CELA3B: variants seen among roughly 807,000 people sequenced by gnomAD.
CELA3B encodes the protein chymotrypsin like elastase 3B.
A neutral mutation model predicts 37.2 loss-of-function variants in CELA3B; 34 were observed. The ratio of observed to expected loss-of-function variants is 0.91; its 90% CI spans 0.70 to 1.22. The LOEUF (loss-of-function observed/expected upper bound fraction) is 1.22, where lower values mean the gene tolerates loss of function less well. Among genes scored for constraint, CELA3B ranks in the 50% most tolerant of loss-of-function variants. The pLI is 0.00. For synonymous variants in CELA3B, 127 were observed against 143.5 expected (o/e 0.89, Z 0.82); for missense variants, 340 against 363.1 (o/e 0.94, Z 0.52).
chr1:21,979,553 A>G (rs1454667002), intron 2 of CELA3B, among the ~76,000 whole-genome samples: 1 of 148,852 alleles, frequency 6.7e-6, no homozygotes, highest in African/African-American at 2.5e-5. Context: ...CCTAGGTCCA[A>G]GCAATCATCC....
chr1:21,992,918 T>C (rs1220143750), downstream of CELA3B, among the ~76,000 whole-genome samples: 3 of 149,130 alleles, frequency 2.0e-5, no homozygotes, highest in Non-Finnish European at 4.5e-5. Context: ...TGAGCTGTGA[T>C]TGCACCACTG....
Position 21,981,671 on chromosome 1 carries a change from C to T in CELA3B, c.362+499C>T, listed in dbSNP as rs114105151. On this transcript the variant is annotated intron_variant, in intron 4 of 7. Transcript: ENST00000337107. ...AAGGTGACCATGAAGTTGGGCCTCC[C>T]GGGTGGTTGTGAAGGCCAAGGAGAC... 8.0e-3 allele frequency among the ~76,000 whole-genome samples: 1,216 copies of T among 151,996 alleles called. 16 individuals carry two copies. The highest frequency in any genetic ancestry group is 0.027 in the African/African-American group (1,139 of 41,462).
At chr1:21,983,314 C>T (rs1364171981) in intron 4 of CELA3B, among the ~76,000 whole-genome samples, 1 of 151,936 alleles carries the variant, frequency 6.6e-6, no homozygotes, top group Non-Finnish European at 1.5e-5. Context: ...GAGATCATGC[C>T]ACTGCACTCC....
chr1:21,996,762 C>T (rs1301440003), intron 4 of CELA3B, among the ~76,000 whole-genome samples: 1 of 150,862 alleles, frequency 6.6e-6, no homozygotes, highest in African/African-American at 2.5e-5. Context: ...TGCTCAATAA[C>T]CTCCTTGGAT....
chr1:21,985,272 G>C (rs1213137977), intron 6 of CELA3B, among the ~76,000 whole-genome samples: 2 of 112,360 alleles, frequency 1.8e-5, no homozygotes, highest in African/African-American at 3.3e-5. Flanking sequence ...GACAGAGCAA[G>C]ATGTTGTCTT....
chr1:21,991,773 T>C (rs1258951157), downstream of CELA3B, among the ~76,000 whole-genome samples: 8 of 150,900 alleles, frequency 5.3e-5, 1 homozygote, highest in Admixed American at 1.3e-4. Context: ...GGGATTGAAG[T>C]GGAAGCTTGA....
Position 21,996,783 on chromosome 1 carries a change from A to G in CELA3B, c.505-1368A>G, listed in dbSNP as rs578177364. ...ATAACCTCCTTGGATCCCAGCCGGG[A>G]TGATGCCTTCCCTGGGACAAGAGAT... On this transcript the variant is annotated intron_variant, in intron 4 of 4. Transcript: ENST00000400277. 1.4e-3 allele frequency among the ~76,000 whole-genome samples: 212 copies of G among 150,720 alleles called. 3 individuals carry two copies. Among genetic ancestry groups the G allele is most frequent in the Middle Eastern group, 3.4e-3 (1 of 294 alleles).
Position 21,980,926 on chromosome 1 carries a change from G to T in CELA3B, c.227+5G>T. On this transcript the variant is annotated splice_donor_5th_base_variant and intron_variant, in intron 3 of 7. Transcript: ENST00000337107. ...GACTGCCGGCCACTGCATCTCGTGAGTTCTCTACCCTGTCCCTGCCTGTGG... is the reference window on the plus strand; with the variant it reads ...GACTGCCGGCCACTGCATCTCGTGATTTCTCTACCCTGTCCCTGCCTGTGG... The T allele has an allele frequency of 6.2e-7, 1 of 1,613,902 alleles. No individual in the cohort carries two copies. Among genetic ancestry groups the T allele is most frequent in the East Asian group, 2.2e-5 (1 of 44,856 alleles).
At chr1:21,984,466 A>C (rs1204412225) in intron 6 of CELA3B, 135 bp downstream of exon 6, 1 of 1,239,708 alleles carries the variant, frequency 8.1e-7, no homozygotes, top group Non-Finnish European at 1.1e-6. Context: ...GACTTGGAGG[A>C]AATCAGCGCA....
chr1:21,997,605 C>G (rs532999037), intron 4 of CELA3B, among the ~76,000 whole-genome samples: 3 of 150,628 alleles, frequency 2.0e-5, no homozygotes, highest in Admixed American at 2.0e-4. Flanking sequence ...AGAAGAATCA[C>G]TTGAACCCGG....
chr1:21,994,308 T>G (rs12404110), downstream of CELA3B, among the ~76,000 whole-genome samples: 33,744 of 150,534 alleles, frequency 0.22, 5,336 homozygotes, highest in East Asian at 0.39. Flanking sequence ...CTTCCTCCAC[T>G]GCTCCCACCA....
chr1:21,977,563 T>G (rs1209660454), intron 1 of CELA3B, among the ~76,000 whole-genome samples: 1 of 152,170 alleles, frequency 6.6e-6, no homozygotes, highest in Non-Finnish European at 1.5e-5. Flanking sequence ...ATTGAGTGCT[T>G]ACTATGCCAG....
chr1:21,988,239 AAAAC>A (rs1644850702), intron 7 of CELA3B, among the ~76,000 whole-genome samples: 3 of 149,628 alleles, frequency 2.0e-5, no homozygotes, highest in African/African-American at 7.4e-5. Context: ...AACAAACAAA[AAAAC>A]AGTGATGATT....
intron 4 of CELA3B, 103 bp downstream of exon 4, chr1:21,981,275 G>T: frequency 8.3e-6 from 1 of 120,814 alleles, no homozygotes; most frequent in Non-Finnish European, 2.1e-5. Context: ...GGGACGTAGG[G>T]ACGGGGGAGC....
chr1:21,993,461 C>CAA (rs58752734), downstream of CELA3B, among the ~76,000 whole-genome samples: 3 of 81,648 alleles, frequency 3.7e-5, no homozygotes, highest in Non-Finnish European at 5.1e-5. Context: ...ACCTCCTCTC[C>CAA]AAAAAAAAAA....
intron 2 of CELA3B, among the ~76,000 whole-genome samples, chr1:21,978,670 G>A (rs1381043879): frequency 6.6e-6 from 1 of 152,158 alleles, no homozygotes; most frequent in African/African-American, 2.4e-5. Flanking sequence ...AGTGGAATCG[G>A]GGGTGAAGGA....
At position 21,983,973 on chromosome 1, in the gene CELA3B, C is replaced by G. The variant is rs117748111; in HGVS notation, c.499+143C>G. ...AGCTGCAGCCTTCTCCCACCAACCTCCAAAACACGAATGTGGTCAATTGCA... is the reference window on the plus strand; with the variant it reads ...AGCTGCAGCCTTCTCCCACCAACCTGCAAAACACGAATGTGGTCAATTGCA... On this transcript the variant is annotated intron_variant, in intron 5 of 7. Coordinates refer to ENST00000337107, the MANE Select transcript of CELA3B (RefSeq NM_007352.4). 5.9e-4 allele frequency: 841 copies of G among 1,436,792 alleles called. 13 individuals carry two copies. The East Asian group carries it at 0.014, about 25-fold the overall frequency. 89.0% of individuals were successfully genotyped at this position (1,436,792 alleles called of 1,614,324 possible).
intron 4 of CELA3B, among the ~76,000 whole-genome samples, chr1:21,983,294 G>T (rs1391128231): frequency 6.6e-6 from 1 of 152,046 alleles, no homozygotes; most frequent in African/African-American, 2.4e-5. Context: ...GGCAGAGGTT[G>T]CAGTGAGCCG....
chr1:21,980,548 CAG>C (rs1264247278), intron 2 of CELA3B, among the ~76,000 whole-genome samples: 3 of 145,344 alleles, frequency 2.1e-5, no homozygotes, highest in Non-Finnish European at 4.6e-5. Flanking sequence ...TCTCAAGAAA[CAG>C]AAGGTAGAGA....
Sources: gnomAD v4.1 joint callset for allele counts (sites outside exome capture counted in the v4.1 genomes callset) on GRCh38, gnomAD v4.1.1 for gene constraint, MANE v1.5 for transcripts, NCBI Gene and HGNC (gene_info 2026-07-23, HGNC 2026-07-21) for gene names.